Variants in MYH11 observed in about 807,000 individuals in gnomAD.
The protein encoded by MYH11 is myosin heavy chain 11, also known as myosin-11.
In MYH11, 80 loss-of-function variants were observed where a neutral mutation model predicts 246.6. The ratio of observed to expected loss-of-function variants is 0.32; its 90% CI spans 0.27 to 0.39. The LOEUF is 0.39. Ranked by LOEUF, MYH11 falls within the 10% of genes least tolerant of loss-of-function variation. The pLI is 1.00. For synonymous variants in MYH11, 1,071 were observed against 1,015.5 expected (o/e 1.05, Z -1.04); for missense variants, 2,158 against 2,546.8 (o/e 0.85, Z 3.29).
At chr16:15,742,653 C>A (rs1041224501) in intron 20 of MYH11, among the ~76,000 whole-genome samples, 8 of 152,014 alleles carry the variant, frequency 5.3e-5, no homozygotes, top group Admixed American at 5.2e-4. Context: ...ATCGCTTGAA[C>A]CCTGCAGGCT....
chr16:15,758,705 C>A (rs2041794249), intron 12 of MYH11, among the ~76,000 whole-genome samples: 1 of 151,112 alleles, frequency 6.6e-6, no homozygotes, highest in Admixed American at 6.6e-5. Context: ...GAGGCTGAGG[C>A]AGGAGAATCA....
chr16:15,831,852 C>T (rs966753055), intron 2 of MYH11, among the ~76,000 whole-genome samples: 2 of 152,080 alleles, frequency 1.3e-5, no homozygotes, highest in East Asian at 1.9e-4. Context: ...GCACAAGAAT[C>T]GCTTGAACTC....
intron 4 of MYH11, among the ~76,000 whole-genome samples, chr16:15,797,784 G>A (rs970873309): frequency 6.6e-6 from 1 of 151,982 alleles, no homozygotes; most frequent in African/African-American, 2.4e-5. Context: ...GGTTGAACAG[G>A]GGAATGCTCT....
At chr16:15,760,513 A>G (rs753979911) in intron 11 of MYH11, 27 bp downstream of exon 11, 1 of 1,513,686 alleles carries the variant, frequency 6.6e-7, no homozygotes, top group South Asian at 1.1e-5. Context: ...GGGTGCATGG[A>G]TGGATAAGTG....
chr16:15,742,804 A>G (rs986419168), intron 20 of MYH11, among the ~76,000 whole-genome samples: 30 of 151,012 alleles, frequency 2.0e-4, no homozygotes, highest in African/African-American at 6.6e-4. Flanking sequence ...ACAACTTTAC[A>G]TAGCCATCTT....
chr16:15,748,299 T>C, intron 16 of MYH11, 131 bp from the exon 17 acceptor site: 1 of 1,479,594 alleles, frequency 6.8e-7, no homozygotes, highest in Non-Finnish European at 9.2e-7. Context: ...CAAGGAGGGC[T>C]TAGCTGAGGG....
rs1292539806 is a variant in MYH11, at chr16:15,763,380, C to T, written c.1129+416G>A. 2.6e-5 allele frequency among the ~76,000 whole-genome samples: 4 copies of T among 151,946 alleles called. No individual in the cohort carries two copies. The East Asian group carries it at 5.8e-4, about 22-fold the overall frequency. ...GGGTATTTTAGAAGAGATGGTCCCTCGGGATCTTGTCTGGTCACTATTAGG... is the reference window on the plus strand; with the variant it reads ...GGGTATTTTAGAAGAGATGGTCCCTTGGGATCTTGTCTGGTCACTATTAGG... On this transcript the variant is annotated intron_variant, in intron 10 of 40. Coordinates refer to ENST00000300036, the MANE Select transcript of MYH11 (RefSeq NM_002474.3).
intron 1 of MYH11, among the ~76,000 whole-genome samples, chr16:15,845,683 C>T (rs554334768): frequency 6.6e-6 from 1 of 151,048 alleles, no homozygotes; most frequent in Admixed American, 6.6e-5. Flanking sequence ...CTTAAGGTGT[C>T]GCAGCAGATC....
At chr16:15,839,743 C>G (rs1246319270) in intron 1 of MYH11, among the ~76,000 whole-genome samples, 1 of 150,622 alleles carries the variant, frequency 6.6e-6, no homozygotes. Context: ...TCTATGGTGA[C>G]AGGCAATCAA....
intron 7 of MYH11, 52 bp from the exon 8 acceptor site, chr16:15,776,228 T>C: frequency 1.7e-6 from 2 of 1,207,996 alleles, no homozygotes; most frequent in Non-Finnish European, 1.2e-6. Context: ...GTTCCTCTGG[T>C]CTTCCACCTC....
intron 8 of MYH11, among the ~76,000 whole-genome samples, chr16:15,774,638 G>A (rs551667999): frequency 1.2e-4 from 18 of 152,316 alleles, no homozygotes; most frequent in African/African-American, 4.1e-4. Flanking sequence ...CGCCTAGGCT[G>A]GAGTGCAGTG....
intron 3 of MYH11, among the ~76,000 whole-genome samples, chr16:15,799,191 T>G (rs1277360725): frequency 6.6e-6 from 1 of 152,214 alleles, no homozygotes; most frequent in Non-Finnish European, 1.5e-5. Flanking sequence ...CCTGTGGTCC[T>G]TGAGGTTTCC....
At chr16:15,766,631 C>T (rs1381829114) in intron 9 of MYH11, among the ~76,000 whole-genome samples, 1 of 152,132 alleles carries the variant, frequency 6.6e-6, no homozygotes, top group Non-Finnish European at 1.5e-5. Flanking sequence ...CTTGGCCTCC[C>T]ATAGGGTTGG....
intron 6 of MYH11, among the ~76,000 whole-genome samples, chr16:15,780,072 C>T (rs1315071126): frequency 1.3e-5 from 2 of 152,220 alleles, no homozygotes; most frequent in Non-Finnish European, 2.9e-5. Flanking sequence ...CTTCTTCACT[C>T]TCCTTCCCAA....
intron 4 of MYH11, among the ~76,000 whole-genome samples, chr16:15,795,693 T>G (rs1324739647): frequency 1.3e-5 from 2 of 152,202 alleles, no homozygotes. Context: ...TAGTGAGCAC[T>G]TTCACTACAA....
intron 3 of MYH11, among the ~76,000 whole-genome samples, chr16:15,814,574 AAAAAAAAAAAG>A (rs1197922405): frequency 0.076 from 10,441 of 136,876 alleles, 554 homozygotes; most frequent in East Asian, 0.1. Flanking sequence ...AAAAAAAAAA[AAAAAAAAAAAG>A]GTACCAAGAA....
At chr16:15,719,834 A>G in intron 34 of MYH11, 121 bp from the exon 35 acceptor site, 1 of 1,408,088 alleles carries the variant, frequency 7.1e-7, no homozygotes, top group East Asian at 2.3e-5. Flanking sequence ...AGAAGTTCCC[A>G]TTGCACGAGC....
chr16:15,822,198 T>G (rs1474108685), intron 3 of MYH11, among the ~76,000 whole-genome samples: 1 of 152,194 alleles, frequency 6.6e-6, no homozygotes, highest in Non-Finnish European at 1.5e-5. Context: ...CTTCCAGAAT[T>G]GGGCTCCTCT....
intron 9 of MYH11, among the ~76,000 whole-genome samples, chr16:15,764,451 T>C (rs554231915): frequency 6.6e-6 from 1 of 152,012 alleles, no homozygotes; most frequent in African/African-American, 2.4e-5. Flanking sequence ...TGATACAGCC[T>C]GGGCAATGTA....
Sources: gnomAD v4.1 joint callset for allele counts (sites outside exome capture counted in the v4.1 genomes callset) on GRCh38, gnomAD v4.1.1 for gene constraint, MANE v1.5 for transcripts, NCBI Gene and HGNC (gene_info 2026-07-23, HGNC 2026-07-21) for gene names.